The following GALNT2 variants were observed in gnomAD, a reference collection of about 807,000 sequenced individuals.
The protein encoded by GALNT2 is UDP-GalNAc:polypeptide N-acetylgalactosaminyltransferase 2.
Under a neutral mutation model 81.4 loss-of-function variants are expected in GALNT2, and 31 were observed. The ratio of observed to expected loss-of-function variants is 0.38; its 90% CI spans 0.29 to 0.51. GALNT2 has a LOEUF of 0.51. Among genes scored for constraint, GALNT2 ranks in the 20% least tolerant of loss-of-function variants. GALNT2 has a pLI of 0.87. For synonymous variants in GALNT2, 303 were observed against 287.4 expected (o/e 1.05, Z -0.55); for missense variants, 629 against 765.7 (o/e 0.82, Z 2.11).
chr1:230,228,899 T>C (rs1369070078), intron 3 of GALNT2, among the ~76,000 whole-genome samples: 2 of 152,254 alleles, frequency 1.3e-5, no homozygotes, highest in African/African-American at 4.8e-5. Context: ...TACTGGGCAC[T>C]TTTTAATGTC....
chr1:230,150,423 T>C (rs898222101), intron 1 of GALNT2, among the ~76,000 whole-genome samples: 6 of 152,186 alleles, frequency 3.9e-5, no homozygotes, highest in Admixed American at 6.5e-5. Context: ...TTTGAAACGG[T>C]TTCCAACAGC....
At chr1:230,185,301 T>TGTGTGCGCGCGCGCGC in intron 2 of GALNT2, among the ~76,000 whole-genome samples, 1 of 126,122 alleles carries the variant, frequency 7.9e-6, no homozygotes, top group East Asian at 2.9e-4. Context: ...TGTGTGTGTG[T>TGTGTGCGCGCGCGCGC]GCGCGCGTGT....
chr1:230,078,533 T>C (rs1659633774), intron 1 of GALNT2, among the ~76,000 whole-genome samples: 2 of 152,234 alleles, frequency 1.3e-5, no homozygotes, highest in Admixed American at 1.3e-4. Flanking sequence ...TAGTTTGGGA[T>C]ATTCCACAGT....
chr1:230,095,946 A>G (rs949001004), intron 1 of GALNT2, among the ~76,000 whole-genome samples: 4 of 152,252 alleles, frequency 2.6e-5, no homozygotes, highest in African/African-American at 9.6e-5. Context: ...TGGTCTCACC[A>G]TGGGACATAA....
chr1:230,099,544 C>T (rs1660342486), intron 1 of GALNT2, among the ~76,000 whole-genome samples: 1 of 152,116 alleles, frequency 6.6e-6, no homozygotes, highest in Admixed American at 6.6e-5. Context: ...GCTGTGATTC[C>T]CAAGAAATGC....
intron 1 of GALNT2, among the ~76,000 whole-genome samples, chr1:230,085,766 C>T (rs1172121499): frequency 6.6e-6 from 1 of 152,264 alleles, no homozygotes; most frequent in African/African-American, 2.4e-5. Context: ...TTTGGATCTT[C>T]TGGAGCTCCT....
chr1:230,065,605 A>G (rs1172387243), upstream of GALNT2, among the ~76,000 whole-genome samples: 1 of 152,182 alleles, frequency 6.6e-6, no homozygotes, highest in Non-Finnish European at 1.5e-5. Context: ...GAATCTTTAA[A>G]TGCAGTTGAT....
At chr1:230,248,958 G>A (rs1665458056) in intron 8 of GALNT2, among the ~76,000 whole-genome samples, 1 of 152,102 alleles carries the variant, frequency 6.6e-6, no homozygotes, top group Non-Finnish European at 1.5e-5. Flanking sequence ...TTAGGGAGGG[G>A]CAGGGAGAAG....
At chr1:230,065,417 T>A (rs1253456383), upstream of GALNT2, among the ~76,000 whole-genome samples, 1 of 152,202 alleles carries the variant, frequency 6.6e-6, no homozygotes, top group African/African-American at 2.4e-5. Flanking sequence ...AAATTTCTTA[T>A]CCTAGATATG....
intron 1 of GALNT2, among the ~76,000 whole-genome samples, chr1:230,150,538 G>A (rs1210931527): frequency 6.6e-6 from 1 of 152,216 alleles, no homozygotes; most frequent in Non-Finnish European, 1.5e-5. Flanking sequence ...TGTTAGAGTT[G>A]GAGTTGGAAA....
rs1489874884 is a variant in GALNT2, at chr1:230,279,199, A to G, written c.1561-104A>G. 5 of 1,261,308 alleles carry G rather than the reference A, an allele frequency of 4.0e-6. No individual in the cohort carries two copies. The highest frequency in any genetic ancestry group is 5.3e-5 in the East Asian group (2 of 38,028). 78.1% of individuals were successfully genotyped at this position (1,261,308 alleles called of 1,614,324 possible). ...ATGAGAGGCTGGGAAAAACGTGTCT[A>G]TCTGTGAGTTTTTAATGCAGCCACA... On this transcript the variant is annotated intron_variant, in intron 15 of 15. Transcript: ENST00000366672. The surrounding 1 kb of genome is among the most constrained non-coding windows in gnomAD (Gnocchi z 4.6).
intron 1 of GALNT2, among the ~76,000 whole-genome samples, chr1:230,100,844 C>T (rs746609381): frequency 4.2e-5 from 6 of 144,266 alleles, no homozygotes; most frequent in Non-Finnish European, 9.1e-5. Flanking sequence ...CAAAAGTACA[C>T]ATTTAGGAAG....
chr1:230,185,391 T>G (rs138834372), intron 2 of GALNT2, among the ~76,000 whole-genome samples: 7 of 152,134 alleles, frequency 4.6e-5, no homozygotes, highest in African/African-American at 1.7e-4. Flanking sequence ...CACGGAACCC[T>G]GGTAAACAGG....
intron 1 of GALNT2, among the ~76,000 whole-genome samples, chr1:230,169,156 A>G (rs1662708683): frequency 6.6e-6 from 1 of 152,178 alleles, no homozygotes; most frequent in African/African-American, 2.4e-5. Context: ...TGAATGAGTT[A>G]ATTATGGAGA....
At chr1:230,270,481 C>CATTG (rs1666137691) in intron 14 of GALNT2, among the ~76,000 whole-genome samples, 1 of 152,236 alleles carries the variant, frequency 6.6e-6, no homozygotes, top group African/African-American at 2.4e-5. Context: ...TGAAATATGA[C>CATTG]TAGTGTGAAT....
chr1:230,136,262 C>T (rs944918293), intron 1 of GALNT2, among the ~76,000 whole-genome samples: 5 of 152,080 alleles, frequency 3.3e-5, no homozygotes, highest in Admixed American at 6.5e-5. Context: ...TTTAGTGCCA[C>T]GTTGATTGGG....
intron 1 of GALNT2, among the ~76,000 whole-genome samples, chr1:230,094,964 A>G (rs888561825): frequency 1.3e-5 from 2 of 152,154 alleles, no homozygotes; most frequent in Admixed American, 6.5e-5. Flanking sequence ...AGATGATGCA[A>G]GTGGACCTCT....
At chr1:230,180,406 G>C (rs367732229) in intron 2 of GALNT2, among the ~76,000 whole-genome samples, 2 of 144,588 alleles carry the variant, frequency 1.4e-5, no homozygotes, top group East Asian at 2.1e-4. Context: ...TCCTTTGTCA[G>C]AGATCAGTTG....
Position 230,174,661 on chromosome 1 carries a change from T to C in GALNT2, c.127-3557T>C, listed in dbSNP as rs537237918. On this transcript the variant is annotated intron_variant, in intron 1 of 15. Transcript: ENST00000366672. ...CCTAGCTGCACCTGTCTCCGCTCTG[T>C]CCCTCCGGGACCTGGACTGGGTCCA... 6.6e-5 allele frequency among the ~76,000 whole-genome samples: 10 copies of C among 152,224 alleles called. No homozygotes were observed. In the South Asian group the frequency reaches 1.9e-3, roughly 28 times the overall value.
Sources: gnomAD v4.1 joint callset for allele counts (sites outside exome capture counted in the v4.1 genomes callset) on GRCh38, gnomAD v4.1.1 for gene constraint, Gnocchi (gnomAD v3.1) non-coding constraint, MANE v1.5 for transcripts, NCBI Gene and HGNC (gene_info 2026-07-23, HGNC 2026-07-21) for gene names.